METTL25: variants seen among roughly 807,000 people sequenced by gnomAD.
METTL25 encodes probable methyltransferase-like protein 25.
In METTL25, 64 loss-of-function variants were observed where a neutral mutation model predicts 71.6. The observed-to-expected ratio is 0.89, with a 90% CI of 0.73 to 1.10. METTL25 has a LOEUF of 1.10. Ranked by LOEUF, METTL25 falls within the 50% of genes least tolerant of loss-of-function variation. The probability of loss-of-function intolerance (pLI) is 0.00; values close to 1 mark genes in which losing one functional copy is unlikely to be tolerated. For missense variants in METTL25, 807 were observed against 707.0 expected (o/e 1.14, Z -1.60); for synonymous variants, 287 against 250.3 (o/e 1.15, Z -1.38).
intron 1 of METTL25, among the ~76,000 whole-genome samples, chr12:82,360,044 C>T (rs781353631): frequency 1.3e-5 from 2 of 152,132 alleles, no homozygotes; most frequent in Non-Finnish European, 2.9e-5. Flanking sequence ...GACTTGTCAA[C>T]TGATGTATTC....
intron 8 of METTL25, among the ~76,000 whole-genome samples, chr12:82,445,933 C>A (rs1890705542): frequency 6.6e-6 from 1 of 152,132 alleles, no homozygotes; most frequent in South Asian, 2.1e-4. Flanking sequence ...GTCAAAAGTA[C>A]ACTAGTAGTA....
At chr12:82,408,913 CCTT>C (rs1012889842) in intron 5 of METTL25, among the ~76,000 whole-genome samples, 5 of 152,062 alleles carry the variant, frequency 3.3e-5, no homozygotes, top group African/African-American at 9.7e-5. Flanking sequence ...TGTCATGTGT[CCTT>C]CTCTTAATAT....
chr12:82,431,649 T>C (rs1889508592), intron 6 of METTL25, among the ~76,000 whole-genome samples: 1 of 151,602 alleles, frequency 6.6e-6, no homozygotes, highest in Non-Finnish European at 1.5e-5. Flanking sequence ...AGATGGTGGA[T>C]ATGTTATTAA....
At chr12:82,400,981 C>T (rs1054497904) in intron 4 of METTL25, among the ~76,000 whole-genome samples, 7 of 152,026 alleles carry the variant, frequency 4.6e-5, no homozygotes, top group Non-Finnish European at 8.8e-5. Context: ...TACTCTGTCC[C>T]TAAGTAGCAA....
chr12:82,467,976 T>A (rs977258572), intron 9 of METTL25, among the ~76,000 whole-genome samples: 16 of 152,090 alleles, frequency 1.1e-4, no homozygotes, highest in Middle Eastern at 3.4e-3. Flanking sequence ...GGCTTTTTTT[T>A]ATTTTTTTGT....
intron 3 of METTL25, among the ~76,000 whole-genome samples, chr12:82,397,103 T>G (rs1458823726): frequency 6.6e-6 from 1 of 152,098 alleles, no homozygotes; most frequent in African/African-American, 2.4e-5. Context: ...TTCATTTCTC[T>G]TAGATAAATT....
intron 1 of METTL25, among the ~76,000 whole-genome samples, chr12:82,379,018 TGA>T (rs1021879005): frequency 6.6e-6 from 1 of 151,934 alleles, no homozygotes; most frequent in African/African-American, 2.4e-5. Flanking sequence ...GGCAACAGAG[TGA>T]GACCTTTTCT....
chr12:82,467,912 C>T (rs370926416), intron 9 of METTL25, among the ~76,000 whole-genome samples: 1 of 151,948 alleles, frequency 6.6e-6, no homozygotes, highest in Non-Finnish European at 1.5e-5. Context: ...TTCTGGAATA[C>T]CCATAATGCA....
intron 2 of METTL25, among the ~76,000 whole-genome samples, chr12:82,389,274 G>T (rs4882441): frequency 1.3e-5 from 2 of 152,074 alleles, no homozygotes; most frequent in South Asian, 2.1e-4. Flanking sequence ...GTGGCTAGTG[G>T]AGCATAGAAT....
intron 5 of METTL25, among the ~76,000 whole-genome samples, chr12:82,408,879 G>T (rs1387025839): frequency 6.6e-6 from 1 of 152,062 alleles, no homozygotes; most frequent in African/African-American, 2.4e-5. Context: ...GTTCCATGGA[G>T]TTATATCTCT....
intron 3 of METTL25, among the ~76,000 whole-genome samples, chr12:82,395,277 A>G (rs757541767): frequency 2.6e-5 from 4 of 152,126 alleles, no homozygotes; most frequent in Admixed American, 6.6e-5. Flanking sequence ...AGGAGTTAAC[A>G]GTATGAGATG....
chr12:82,403,921 G>C (rs912638705), intron 5 of METTL25, among the ~76,000 whole-genome samples: 1 of 152,030 alleles, frequency 6.6e-6, no homozygotes, highest in Non-Finnish European at 1.5e-5. Flanking sequence ...TTTAGATCGG[G>C]AATTTTTAGG....
chr12:82,408,308 C>T (rs1887259355), intron 5 of METTL25, among the ~76,000 whole-genome samples: 1 of 152,008 alleles, frequency 6.6e-6, no homozygotes, highest in Admixed American at 6.6e-5. Flanking sequence ...ACAGGTTAAA[C>T]TCAAAAGGGC....
At chr12:82,416,209 A>G (rs1389058892) in intron 5 of METTL25, among the ~76,000 whole-genome samples, 1 of 152,082 alleles carries the variant, frequency 6.6e-6, no homozygotes, top group South Asian at 2.1e-4. Flanking sequence ...TCTCCTTTAC[A>G]ATTTGAATCA....
At chr12:82,398,049 A>T (rs1362244583) in intron 3 of METTL25, among the ~76,000 whole-genome samples, 1 of 152,092 alleles carries the variant, frequency 6.6e-6, no homozygotes, top group Non-Finnish European at 1.5e-5. Flanking sequence ...TTGAAATGTG[A>T]AGAAAGAATT....
At chr12:82,452,773 T>G (rs547602230) in intron 8 of METTL25, among the ~76,000 whole-genome samples, 2 of 152,222 alleles carry the variant, frequency 1.3e-5, no homozygotes, top group African/African-American at 2.4e-5. Flanking sequence ...GTGGTAATAA[T>G]ACTATACCTG....
intron 2 of METTL25, 106 bp downstream of exon 2, chr12:82,387,073 C>A: frequency 1.1e-6 from 1 of 915,624 alleles, no homozygotes; most frequent in Non-Finnish European, 1.6e-6. Flanking sequence ...ATTGTTAGAC[C>A]TTAATATATA....
rs781634066 is a variant in METTL25 at position 82,388,519 on chromosome 12, T to C, written c.425-1297T>C. 4.6e-5 allele frequency among the ~76,000 whole-genome samples: 7 copies of C among 152,048 alleles called. 1 individual carries two copies. Among genetic ancestry groups the C allele is most frequent in the Non-Finnish European group, 7.4e-5 (5 of 67,994 alleles). On this transcript the variant is annotated intron_variant, in intron 2 of 11. Transcript: ENST00000248306. ...ACACTCTATCCCAGGTGCTGCTGAC[T>C]GGCAATAAATGAGTGTACCTCTGCA...
chr12:82,411,773 ACTC>A (rs1033967829), intron 5 of METTL25, among the ~76,000 whole-genome samples: 1 of 152,012 alleles, frequency 6.6e-6, no homozygotes, highest in African/African-American at 2.4e-5. Flanking sequence ...AAAGCATACT[ACTC>A]TGGTGAGACA....
Sources: gnomAD v4.1 joint callset for allele counts (sites outside exome capture counted in the v4.1 genomes callset) on GRCh38, gnomAD v4.1.1 for gene constraint, MANE v1.5 for transcripts, NCBI Gene and HGNC (gene_info 2026-07-23, HGNC 2026-07-21) for gene names.